GCNT1: variants seen among roughly 807,000 people sequenced by gnomAD.
The protein encoded by GCNT1 is glucosaminyl (N-acetyl) transferase 1.
Under a neutral mutation model 26.2 loss-of-function variants are expected in GCNT1, and 16 were observed. That is an observed-to-expected ratio of 0.61 (90% CI 0.41 to 0.93). The LOEUF (loss-of-function observed/expected upper bound fraction) is 0.93. GCNT1 is among the 40% of genes least tolerant of loss of function. GCNT1 has a pLI of 0.00. For missense variants in GCNT1, 477 were observed against 526.7 expected (o/e 0.91, Z 0.92); for synonymous variants, 183 against 190.8 (o/e 0.96, Z 0.34).
At position 76,502,607 on chromosome 9, in the gene GCNT1, G is replaced by T. The variant is rs1315293965; in HGVS notation, c.226G>T (p.Glu76Ter). The T allele has an allele frequency of 1.2e-6, 2 of 1,613,894 alleles. No individual in the cohort carries two copies. Among genetic ancestry groups the T allele is most frequent in the Non-Finnish European group, 1.7e-6 (2 of 1,179,854 alleles). The change falls in exon 4 of 4, where the codon GAG becomes TAG. Residue 76 changes from glutamate (E) to a stop codon, truncating the protein, a stop_gained. Transcript: ENST00000376730. LOFTEE classifies it high-confidence loss of function. Reference sequence around the variant, plus strand: ...AAATGAAATCCAAAAGGTAAAGCTTGAGATCCTAACAGTGAAATTTAAAAA... The same window carrying T: ...AAATGAAATCCAAAAGGTAAAGCTTTAGATCCTAACAGTGAAATTTAAAAA... ...DVNEIQKVKL[E>*]ILTVKFKKRP...
At chr9:76,409,600 C>T in the GCNT1 span, among the ~76,000 whole-genome samples, 1 of 151,932 alleles carries the variant, frequency 6.6e-6, no homozygotes. Flanking sequence ...CGGGTGCCAC[C>T]ATGGCCTGCT....
upstream of GCNT1, among the ~76,000 whole-genome samples, chr9:76,438,638 G>A (rs910443379): frequency 5.9e-5 from 9 of 151,910 alleles, no homozygotes; most frequent in African/African-American, 1.5e-4. Context: ...TTAATTTTTT[G>A]TTTACAGCCA....
At chr9:76,486,217 G>A (rs7043233) in intron 2 of GCNT1, among the ~76,000 whole-genome samples, 6,467 of 152,264 alleles carry the variant, frequency 0.042, 424 homozygotes, top group African/African-American at 0.15. Context: ...AAGATTCTAT[G>A]TGTTAATACG....
intron 2 of GCNT1, among the ~76,000 whole-genome samples, chr9:76,471,454 C>G (rs1395508685): frequency 6.6e-6 from 1 of 152,180 alleles, no homozygotes; most frequent in Non-Finnish European, 1.5e-5. Flanking sequence ...GGGCGCTTGA[C>G]TTCCACAAAC....
rs1564249947 is a variant in GCNT1 at position 76,503,715 on chromosome 9, A to C, written c.*47A>C. ...ACAAGAAGAAGGATACACAAAACGT[A>C]CCCTTATCTGTTTCCCCTTCCTTGT... On this transcript the variant is annotated 3_prime_UTR_variant, in exon 4 of 4. Coordinates refer to ENST00000376730, the MANE Select transcript of GCNT1 (RefSeq NM_001490.5). 1 of 1,431,152 alleles carries C rather than the reference A, an allele frequency of 7.0e-7. No homozygotes were observed. The highest frequency in any genetic ancestry group is 1.7e-5 in the Admixed American group (1 of 59,166). 88.7% of individuals were successfully genotyped at this position (1,431,152 alleles called of 1,614,324 possible).
intron 1 of GCNT1, among the ~76,000 whole-genome samples, chr9:76,443,041 G>T (rs79218470): frequency 6.6e-6 from 1 of 151,988 alleles, no homozygotes; most frequent in Non-Finnish European, 1.5e-5. Flanking sequence ...AATGGAGATG[G>T]GTAAAAGGGA....
intron 2 of GCNT1, among the ~76,000 whole-genome samples, chr9:76,465,164 T>A (rs1053513282): frequency 2.6e-5 from 4 of 151,840 alleles, no homozygotes; most frequent in East Asian, 3.9e-4. Context: ...AGTTTTTTTT[T>A]TTTTATTTTT....
chr9:76,414,421 A>C, the GCNT1 span, among the ~76,000 whole-genome samples: 1 of 152,358 alleles, frequency 6.6e-6, no homozygotes, highest in South Asian at 2.1e-4. Flanking sequence ...GATGTCATGC[A>C]AGAAATAATT....
chr9:76,499,756 T>C (rs1177097727), intron 2 of GCNT1, among the ~76,000 whole-genome samples: 1 of 152,184 alleles, frequency 6.6e-6, no homozygotes, highest in East Asian at 1.9e-4. Context: ...CCTCACTGTT[T>C]CTGCTGTTAT....
intron 2 of GCNT1, among the ~76,000 whole-genome samples, chr9:76,478,136 A>G (rs1015895620): frequency 6.6e-6 from 1 of 152,244 alleles, no homozygotes; most frequent in Non-Finnish European, 1.5e-5. Context: ...ATAAAGGAAT[A>G]AAAGCTGGCC....
intron 2 of GCNT1, among the ~76,000 whole-genome samples, chr9:76,496,040 C>T (rs561202560): frequency 6.6e-6 from 1 of 152,254 alleles, no homozygotes; most frequent in Non-Finnish European, 1.5e-5. Context: ...GTAAAAAAAA[C>T]TCCTGCCCTG....
Position 76,503,332 on chromosome 9 carries a change from C to T in GCNT1, c.951C>T (p.Ser317=), listed in dbSNP as rs761465783. The T allele has an allele frequency of 1.5e-5, 24 of 1,614,068 alleles. No homozygotes were observed. Among genetic ancestry groups the T allele is most frequent in the Non-Finnish European group, 1.9e-5 (22 of 1,179,974 alleles). Residue 317 remains serine, a synonymous_variant, in exon 4 of 4, where the codon AGC becomes AGT. Transcript: ENST00000376730. The stretch of plus-strand genomic sequence containing the variant: ...TGGAGTGGGCACAAGACACATACAG[C>T]CCTGATGAGTATCTCTGGGCCACCA... ...KLMEWAQDTY[S]PDEYLWATIQ...
intron 1 of GCNT1, among the ~76,000 whole-genome samples, chr9:76,423,425 A>G (rs1324213): frequency 0.36 from 54,130 of 152,130 alleles, 10,157 homozygotes; most frequent in Middle Eastern, 0.4. Context: ...GATGCAGCAA[A>G]AAGGCCCTTG....
chr9:76,494,184 G>A (rs150781326), intron 2 of GCNT1, among the ~76,000 whole-genome samples: 417 of 152,206 alleles, frequency 2.7e-3, no homozygotes, highest in South Asian at 5.0e-3. Context: ...AAGGATGACC[G>A]AGGAAGGTCA....
At chr9:76,397,932 TTCA>T in the GCNT1 span, among the ~76,000 whole-genome samples, 1 of 152,264 alleles carries the variant, frequency 6.6e-6, no homozygotes, top group Non-Finnish European at 1.5e-5. Context: ...ATTTTTCTTC[TTCA>T]TTTGACTCCA....
chr9:76,483,336 C>G (rs57132943), intron 2 of GCNT1, among the ~76,000 whole-genome samples: 1 of 151,980 alleles, frequency 6.6e-6, no homozygotes, highest in African/African-American at 2.4e-5. Context: ...TTTCATATCT[C>G]TAAATAATAA....
intron 1 of GCNT1, among the ~76,000 whole-genome samples, chr9:76,428,289 ACTT>A (rs376207955): frequency 0.047 from 4,918 of 103,760 alleles, 223 homozygotes; most frequent in Middle Eastern, 0.11. Flanking sequence ...AAAAAAAAAA[ACTT>A]AAAAAAAAAA....
upstream of GCNT1, among the ~76,000 whole-genome samples, chr9:76,418,514 G>A (rs1823151729): frequency 6.6e-6 from 1 of 152,100 alleles, no homozygotes; most frequent in South Asian, 2.1e-4. Flanking sequence ...GTTGGTTGGT[G>A]GGCCTTAGAA....
rs1466785416 is a variant in GCNT1 at position 76,502,470 on chromosome 9, C to G, written c.89C>G (p.Ser30Cys). The change falls in exon 4 of 4, where the codon TCC becomes TGC. Residue 30 changes from serine (S) to cysteine (C), a missense_variant. By Grantham distance (112) the Ser-to-Cys change is moderately radical. Coordinates refer to ENST00000376730, the MANE Select transcript of GCNT1 (RefSeq NM_001490.5). ...MVLVLSLITF[S>C]VLRIHQKPEF... ...CTTGTTTTATCCCTAATCACCTTCTCCGTTTTAAGGATTCATCAAAAGCCT... is the reference window on the plus strand; with the variant it reads ...CTTGTTTTATCCCTAATCACCTTCTGCGTTTTAAGGATTCATCAAAAGCCT... 6.2e-7 allele frequency: 1 copy of G among 1,613,500 alleles called. No homozygotes were observed. The highest frequency in any genetic ancestry group is 8.5e-7 in the Non-Finnish European group (1 of 1,179,570).
Sources: allele counts gnomAD v4.1 joint callset (sites outside exome capture counted in the v4.1 genomes callset), GRCh38; gene constraint gnomAD v4.1.1; transcripts MANE v1.5; gene names NCBI Gene and HGNC (gene_info 2026-07-23, HGNC 2026-07-21).